BCCIP: variants seen among roughly 807,000 people sequenced by gnomAD.
The protein encoded by BCCIP is BRCA2 and CDKN1A-interacting protein.
A neutral mutation model predicts 32.8 loss-of-function variants in BCCIP; 23 were observed. The ratio of observed to expected loss-of-function variants is 0.70; its 90% confidence interval spans 0.51 to 0.99. The LOEUF (loss-of-function observed/expected upper bound fraction) is 0.99, where lower values mean the gene tolerates loss of function less well. Among genes scored for constraint, BCCIP ranks in the 50% least tolerant of loss-of-function variants. The pLI is 0.00. For missense variants in BCCIP, 378 were observed against 379.8 expected (o/e 1.00, Z 0.04); for synonymous variants, 144 against 137.6 (o/e 1.05, Z -0.33).
At chr10:125,848,895 A>C (rs942298428) in intron 7 of BCCIP, among the ~76,000 whole-genome samples, 2 of 152,208 alleles carry the variant, frequency 1.3e-5, no homozygotes, top group African/African-American at 4.8e-5. Context: ...TATTCAGATA[A>C]ATGAAGTGAA....
At chr10:125,851,926 A>C in intron 7 of BCCIP, among the ~76,000 whole-genome samples, 1 of 150,630 alleles carries the variant, frequency 6.6e-6, no homozygotes, top group Admixed American at 6.6e-5. Flanking sequence ...GTCTCAAAAA[A>C]AAAAAAAAAA....
Position 125,831,572 on chromosome 10 carries a change from T to G in BCCIP, c.564T>G (p.Pro188=). The G allele has an allele frequency of 6.2e-7, 1 of 1,614,142 alleles. No homozygotes were observed. Among genetic ancestry groups the G allele is most frequent in the Non-Finnish European group, 8.5e-7 (1 of 1,179,984 alleles). ...LLLSERFINV[P]PQIALPMYQQ... ...TAAGTGAAAGATTCATTAATGTCCC[T>G]CCACAGATCGCTCTGCCCATGTACC... The change falls in exon 5 of 7, where the codon CCT becomes CCG. Residue 188 remains proline, a synonymous_variant. Coordinates refer to ENST00000278100, the MANE Select transcript of BCCIP (RefSeq NM_078468.3).
intron 1 of BCCIP, 21 bp from the exon 2 acceptor site, chr10:125,826,570 T>G (rs758055104): frequency 7.4e-6 from 12 of 1,612,556 alleles, no homozygotes; most frequent in Non-Finnish European, 1.0e-5. Flanking sequence ...TGGTAACAAC[T>G]ATTTTGTGTG....
At chr10:125,825,639 T>TA in intron 1 of BCCIP, 1 of 152,224 alleles carries the variant, frequency 6.6e-6, no homozygotes, top group Admixed American at 6.5e-5. Flanking sequence ...GGTGGCAAGG[T>TA]AAAAGGAGGT....
intron 1 of BCCIP, 146 bp downstream of exon 1, chr10:125,823,868 C>G (rs1421485832): frequency 1.6e-6 from 2 of 1,261,196 alleles, no homozygotes. Flanking sequence ...CAGGTTTCTC[C>G]TCGGTCTTTA....
At chr10:125,832,806 T>C (rs1854554649) in intron 5 of BCCIP, among the ~76,000 whole-genome samples, 1 of 115,518 alleles carries the variant, frequency 8.7e-6, no homozygotes, top group Non-Finnish European at 2.0e-5. Flanking sequence ...CCCTATCTTT[T>C]TTTTTTTCTT....
chr10:125,835,983 T>A (rs1186820257), intron 6 of BCCIP, 121 bp from the exon 7 acceptor site: 2 of 928,568 alleles, frequency 2.2e-6, no homozygotes, highest in Non-Finnish European at 3.2e-6. Flanking sequence ...GAGTTTTGCT[T>A]TTTTTTAGCT....
chr10:125,841,056 C>T (rs969060012), downstream of BCCIP: 15 of 1,551,108 alleles, frequency 9.7e-6, no homozygotes, highest in Non-Finnish European at 1.3e-5. Flanking sequence ...CTTAGCCTAA[C>T]ATGCAGAGGG....
In BCCIP at chr10:125,833,939, T is replaced by C. The variant is rs1225734772; in HGVS notation, c.767T>C (p.Phe256Ser). 5 of 1,614,180 alleles carry C rather than the reference T, an allele frequency of 3.1e-6. No homozygotes were observed. Among genetic ancestry groups the C allele is most frequent in the Non-Finnish European group, 4.2e-6 (5 of 1,179,992 alleles). ...TTTGCAAATGCAGAGGAAGAATTTT[T>C]CTATGAGGTAAGACTATCCTGCTTA... ...LMFANAEEEF[F>S]YEKAILKFNY... The change falls in exon 6 of 7, where the codon TTC becomes TCC. Residue 256 changes from phenylalanine to serine, a missense_variant. Transcript: ENST00000278100.
chr10:125,830,883 C>T (rs1276741660), intron 4 of BCCIP, among the ~76,000 whole-genome samples: 1 of 152,160 alleles, frequency 6.6e-6, no homozygotes, highest in African/African-American at 2.4e-5. Context: ...GCTTTGCAGT[C>T]CTGATGTTGG....
At chr10:125,831,066 A>C (rs776984944) in intron 4 of BCCIP, among the ~76,000 whole-genome samples, 1 of 152,236 alleles carries the variant, frequency 6.6e-6, no homozygotes, top group Non-Finnish European at 1.5e-5. Context: ...AATAAAAAGT[A>C]AACCAGCTGC....
chr10:125,833,647 A>G, intron 5 of BCCIP, 125 bp from the exon 6 acceptor site: 1 of 808,936 alleles, frequency 1.2e-6, no homozygotes, highest in Non-Finnish European at 2.0e-6. Context: ...CTAAGTGTTC[A>G]GATTGAATGC....
exon 7 of BCCIP, chr10:125,842,803 G>A (rs959338294): frequency 1.1e-6 from 1 of 950,946 alleles, no homozygotes; most frequent in Non-Finnish European, 1.3e-6. Flanking sequence ...AAGATAGCAA[G>A]CTGATTCTCT....
chr10:125,851,383 G>A (rs956251357), intron 7 of BCCIP, among the ~76,000 whole-genome samples: 2 of 152,154 alleles, frequency 1.3e-5, no homozygotes, highest in Non-Finnish European at 2.9e-5. Flanking sequence ...AGCACAGAGG[G>A]TGACTATTGA....
chr10:125,841,685 T>C, exon 7 of BCCIP: 1 of 1,575,298 alleles, frequency 6.3e-7, no homozygotes, highest in Non-Finnish European at 8.5e-7. Flanking sequence ...GGATCCGATC[T>C]AAATCTATAC....
rs1396802014 is a variant in BCCIP, at chr10:125,841,843, CATG to C, written c.*490_*492del. The C allele has an allele frequency of 1.9e-5, 30 of 1,613,798 alleles. No individual in the cohort carries two copies. Among genetic ancestry groups the C allele is most frequent in the Non-Finnish European group, 2.5e-5 (30 of 1,179,942 alleles). On this transcript the variant is annotated 3_prime_UTR_variant, in exon 7 of 7. Transcript: ENST00000299130. ...GTTGTGGATCAAGAGGAAACTCTGA[CATG>C]ATGATTCCAAATTCAGAAAGATTTC...
chr10:125,841,311 A>T (rs1423270741), downstream of BCCIP: 1 of 1,614,120 alleles, frequency 6.2e-7, no homozygotes, highest in Non-Finnish European at 8.5e-7. Context: ...GATTGGAACC[A>T]GTTCCGATAC....
chr10:125,848,148 A>G (rs568864635), intron 7 of BCCIP, among the ~76,000 whole-genome samples: 2 of 152,304 alleles, frequency 1.3e-5, no homozygotes, highest in East Asian at 1.9e-4. Flanking sequence ...ATTGTGTAAA[A>G]GAGTCCACAG....
chr10:125,827,738 G>A (rs1209437951), intron 3 of BCCIP, 100 bp downstream of exon 3: 3 of 876,006 alleles, frequency 3.4e-6, no homozygotes, highest in Non-Finnish European at 5.5e-6. Context: ...GGGAAGCAAA[G>A]GTGGGAGGAT....
Sources: gnomAD v4.1 joint callset for allele counts (sites outside exome capture counted in the v4.1 genomes callset) on GRCh38, gnomAD v4.1.1 for gene constraint, MANE v1.5 for transcripts, NCBI Gene and HGNC (gene_info 2026-07-23, HGNC 2026-07-21) for gene names.